Variants in GRIK1 observed in about 807,000 individuals in gnomAD.
GRIK1 encodes the protein glutamate receptor ionotropic, kainate 1.
Under a neutral mutation model 105.7 loss-of-function variants are expected in GRIK1, and 69 were observed. That is an observed-to-expected ratio of 0.65 (90% CI 0.54 to 0.80). The LOEUF is 0.80. Ranked by LOEUF, GRIK1 falls within the 30% of genes least tolerant of loss-of-function variation. The pLI, the probability that GRIK1 is intolerant of heterozygous loss-of-function variation, is 0.00. For missense variants in GRIK1, 1,109 were observed against 1,167.3 expected (o/e 0.95, Z 0.73); for synonymous variants, 438 against 431.3 (o/e 1.02, Z -0.19).
chr21:29,868,038 A>G (rs960936758), intron 1 of GRIK1, among the ~76,000 whole-genome samples: 30 of 151,892 alleles, frequency 2.0e-4, no homozygotes, highest in African/African-American at 6.8e-4. Context: ...GGAAGGAAGG[A>G]AGGAAGGAAG....
chr21:29,545,696 G>A lies in GRIK1; in HGVS notation c.2608-7812C>T, dbSNP rs143420570. Among the ~76,000 whole-genome samples the A allele has an allele frequency of 6.9e-4, 105 of 151,910 alleles. 2 individuals carry two copies. The East Asian group carries it at 0.019, about 27-fold the overall frequency. ...AAGCTAAACTGACCGTGATGTGTAG[G>A]GTGTTAGTTGTCCACAGTGCACGTA... On this transcript the variant is annotated intron_variant, in intron 16 of 17. Transcript: ENST00000327783.
intron 7 of GRIK1, among the ~76,000 whole-genome samples, chr21:29,633,459 C>G (rs568425782): frequency 6.6e-6 from 1 of 152,100 alleles, no homozygotes; most frequent in Admixed American, 6.5e-5. Context: ...GATCGCACCA[C>G]TGCACTCCAG....
At chr21:29,538,032 A>C in intron 16 of GRIK1, 148 bp from the exon 17 acceptor site, 1 of 607,848 alleles carries the variant, frequency 1.6e-6, no homozygotes, top group Non-Finnish European at 2.9e-6. Context: ...GGCATAATAC[A>C]AAAGAAAATG....
At chr21:29,812,491 T>G (rs935523424) in intron 1 of GRIK1, among the ~76,000 whole-genome samples, 1 of 152,188 alleles carries the variant, frequency 6.6e-6, no homozygotes, top group Non-Finnish European at 1.5e-5. Context: ...TGAATTTCAC[T>G]GGTAATGAGT....
intron 1 of GRIK1, among the ~76,000 whole-genome samples, chr21:29,910,190 A>T (rs1602020373): frequency 1.3e-5 from 2 of 152,298 alleles, no homozygotes; most frequent in South Asian, 4.1e-4. Flanking sequence ...AAAAATTTTT[A>T]AAATAATTTT....
intron 1 of GRIK1, among the ~76,000 whole-genome samples, chr21:29,734,674 C>T (rs909162324): frequency 2.0e-5 from 3 of 152,138 alleles, no homozygotes; most frequent in African/African-American, 7.2e-5. Context: ...TCTTGGATTA[C>T]AGGCATGAGC....
intron 1 of GRIK1, chr21:29,749,274 A>G (rs1472521764): frequency 6.7e-6 from 1 of 149,048 alleles, no homozygotes; most frequent in African/African-American, 2.6e-5. Context: ...ATTGAACAAT[A>G]TAGTCAGTTG....
At chr21:29,923,586 A>C (rs1187719614) in intron 1 of GRIK1, among the ~76,000 whole-genome samples, 1 of 152,226 alleles carries the variant, frequency 6.6e-6, no homozygotes, top group African/African-American at 2.4e-5. Context: ...AGTTAAAGTC[A>C]TCTTTTCAGG....
chr21:29,626,467 A>G (rs1379512700), intron 7 of GRIK1, among the ~76,000 whole-genome samples: 1 of 152,198 alleles, frequency 6.6e-6, no homozygotes, highest in East Asian at 1.9e-4. Flanking sequence ...CCAGAGATGA[A>G]CACATGAAGA....
At chr21:29,817,463 C>T (rs372081911) in intron 1 of GRIK1, among the ~76,000 whole-genome samples, 1 of 152,184 alleles carries the variant, frequency 6.6e-6, no homozygotes, top group East Asian at 1.9e-4. Context: ...CCATTCACTG[C>T]CTTGCAAGAG....
intron 7 of GRIK1, among the ~76,000 whole-genome samples, chr21:29,625,472 C>A (rs2062104259): frequency 6.6e-6 from 1 of 152,124 alleles, no homozygotes; most frequent in South Asian, 2.1e-4. Context: ...AGCCGCCAAC[C>A]AGTTCCCAAG....
chr21:29,892,269 T>C (rs779574054), intron 1 of GRIK1, among the ~76,000 whole-genome samples: 1 of 152,098 alleles, frequency 6.6e-6, no homozygotes, highest in Non-Finnish European at 1.5e-5. Flanking sequence ...TGACTTTGAG[T>C]AGTTTTGTAA....
intron 1 of GRIK1, among the ~76,000 whole-genome samples, chr21:29,937,131 C>T (rs1602096143): frequency 1.3e-5 from 2 of 152,274 alleles, no homozygotes; most frequent in Non-Finnish European, 2.9e-5. Context: ...TAGTCCCCAA[C>T]CCCTTTTTGT....
chr21:29,787,596 C>T (rs979910312), intron 1 of GRIK1, among the ~76,000 whole-genome samples: 25 of 152,142 alleles, frequency 1.6e-4, no homozygotes, highest in African/African-American at 2.4e-4. Context: ...ATTTAGATTT[C>T]GAAGACAAAT....
chr21:29,672,523 G>A (rs888520235), intron 4 of GRIK1, among the ~76,000 whole-genome samples: 32 of 152,130 alleles, frequency 2.1e-4, no homozygotes, highest in African/African-American at 7.7e-4. Flanking sequence ...CATCTTTTCT[G>A]TAACTGTCCC....
At chr21:29,763,045 T>G (rs1448765028) in intron 1 of GRIK1, among the ~76,000 whole-genome samples, 1 of 152,204 alleles carries the variant, frequency 6.6e-6, no homozygotes, top group East Asian at 1.9e-4. Context: ...GGTTTCTGTC[T>G]GCTAAGGGGA....
chr21:29,541,734 T>G (rs942044054), intron 16 of GRIK1, among the ~76,000 whole-genome samples: 2 of 152,082 alleles, frequency 1.3e-5, no homozygotes, highest in African/African-American at 4.8e-5. Context: ...ACATAAATTT[T>G]CAATGCCTAT....
At chr21:29,835,778 G>A (rs759736270) in intron 1 of GRIK1, among the ~76,000 whole-genome samples, 1 of 152,138 alleles carries the variant, frequency 6.6e-6, no homozygotes, top group Non-Finnish European at 1.5e-5. Context: ...GGGCAATAAT[G>A]ATTATTTCCT....
chr21:29,872,502 A>T (rs1486974234), intron 1 of GRIK1, among the ~76,000 whole-genome samples: 1 of 152,174 alleles, frequency 6.6e-6, no homozygotes, highest in Admixed American at 6.5e-5. Context: ...TTGTATGTGG[A>T]TATAACTCAA....
Sources: allele counts gnomAD v4.1 joint callset (sites outside exome capture counted in the v4.1 genomes callset), GRCh38; gene constraint gnomAD v4.1.1; transcripts MANE v1.5; gene names NCBI Gene and HGNC (gene_info 2026-07-23, HGNC 2026-07-21).